SEC14L5: variants seen among roughly 807,000 people sequenced by gnomAD.
SEC14L5 encodes the protein SEC14-like protein 5.
In SEC14L5, 96 loss-of-function variants were observed where a neutral mutation model predicts 84.6. That is an observed-to-expected ratio of 1.13 (90% confidence interval 0.96 to 1.34). SEC14L5 has a LOEUF of 1.34. Ranked by LOEUF, SEC14L5 falls within the 40% of genes most tolerant of loss-of-function variation. The pLI is 0.00. For synonymous variants in SEC14L5, 546 were observed against 383.4 expected, an observed-to-expected ratio of 1.42 and a Z score of -4.95; for missense variants, 1,224 against 942.5, an observed-to-expected ratio of 1.30 and a Z score of -3.91.
At chr16:4,972,913 C>G (rs1394939034) in intron 2 of SEC14L5, among the ~76,000 whole-genome samples, 1 of 152,152 alleles carries the variant, frequency 6.6e-6, no homozygotes, top group Non-Finnish European at 1.5e-5. Flanking sequence ...ACTCCAGAGC[C>G]CACACTCTTA....
rs1306805606 is a variant in SEC14L5 at position 5,018,421 on chromosome 16, C to A, written c.*3451C>A. The stretch of plus-strand genomic sequence containing the variant: ...GTGGCTCATGCCTATAATCCCAACA[C>A]TTTGGGAGGCTGAGGCCGGCTGATC... On this transcript the variant is annotated 3_prime_UTR_variant, in exon 16 of 16. Transcript: ENST00000251170. 6.6e-6 allele frequency: 1 copy of A among 152,272 alleles called. No individual in the cohort carries two copies. Among genetic ancestry groups the A allele is most frequent in the Non-Finnish European group, 1.5e-5 (1 of 68,104 alleles). The allele number at this position is 152,272 out of a possible 1,614,324, so 9.4% of individuals were successfully genotyped here.
chr16:4,996,991 C>A lies in SEC14L5; in HGVS notation c.917C>A (p.Pro306His), dbSNP rs1238511824. ...QVDLLLQTWQ[P>H]PALLEEFYAG... ...GATCTCCTCCTTCAGACCTGGCAAC[C>A]CCCTGCCCTGCTGGAGGAGTTCTAT... Residue 306 changes from proline (P) to histidine (H), a missense_variant, in exon 8 of 16, where the codon CCC (proline) becomes CAC (histidine). Physicochemically the swap from Pro to His is moderately conservative, Grantham distance 77. Transcript: ENST00000251170. 2.7e-5 allele frequency: 44 copies of A among 1,613,328 alleles called. No individual in the cohort carries two copies. The highest frequency in any genetic ancestry group is 3.7e-5 in the Non-Finnish European group (44 of 1,179,656).
chr16:4,988,353 G>C (rs953563119), intron 4 of SEC14L5, 73 bp downstream of exon 4: 4 of 1,553,520 alleles, frequency 2.6e-6, no homozygotes, highest in South Asian at 2.4e-5. Context: ...GCCCAGAGCT[G>C]TGTCCCCACA....
intron 4 of SEC14L5, among the ~76,000 whole-genome samples, 189 bp from the exon 5 acceptor site, chr16:4,990,578 T>C (rs1482899955): frequency 6.6e-6 from 1 of 152,254 alleles, no homozygotes; most frequent in Non-Finnish European, 1.5e-5. Context: ...TTTTGTTCCC[T>C]GACAGTTTGA....
chr16:5,013,550 CTTTT>C (rs869041446), intron 15 of SEC14L5, among the ~76,000 whole-genome samples: 3 of 44,958 alleles, frequency 6.7e-5, no homozygotes, highest in East Asian at 7.2e-4. Flanking sequence ...GCTTGCCTGG[CTTTT>C]TTTTTTTTTT....
In SEC14L5 at chr16:5,014,841, C is replaced by G. The variant is rs200256662; in HGVS notation, c.1980-18C>G. On this transcript the variant is annotated intron_variant, in intron 15 of 15. Transcript: ENST00000251170. ...GTCACTGTGAGAGGGTAACGTGTGC[C>G]ACGCCCTTCCTCCCCAGGGGCTCCA... 711 of 1,599,994 alleles carry G rather than the reference C, an allele frequency of 4.4e-4. 1 individual carries two copies. Among genetic ancestry groups the G allele is most frequent in the Middle Eastern group, 8.3e-4 (5 of 6,028 alleles).
At chr16:4,983,202 C>G (rs1348565790) in intron 2 of SEC14L5, among the ~76,000 whole-genome samples, 1 of 151,830 alleles carries the variant, frequency 6.6e-6, no homozygotes, top group African/African-American at 2.4e-5. Flanking sequence ...TTAGTAGAGA[C>G]AGGGTTTCAT....
chr16:4,981,990 C>T (rs896209609), intron 2 of SEC14L5, among the ~76,000 whole-genome samples: 1 of 152,168 alleles, frequency 6.6e-6, no homozygotes, highest in Non-Finnish European at 1.5e-5. Flanking sequence ...GTCTCCTTGC[C>T]AGCTCGCTGA....
At chr16:4,970,739 G>C (rs1468994152) in intron 2 of SEC14L5, among the ~76,000 whole-genome samples, 1 of 152,232 alleles carries the variant, frequency 6.6e-6, no homozygotes, top group African/African-American at 2.4e-5. Context: ...GTCATTCTGA[G>C]GGTGAGTCCT....
rs956419659 is a variant in SEC14L5, at chr16:5,016,409, G to C, written c.*1439G>C. The C allele has an allele frequency of 6.6e-6, 1 of 152,178 alleles. No homozygotes were observed. Among genetic ancestry groups the C allele is most frequent in the Admixed American group, 6.5e-5 (1 of 15,268 alleles). 9.4% of individuals were successfully genotyped at this position (152,178 alleles called of 1,614,324 possible). A position where few individuals can be genotyped will look rare whatever the true frequency, so the allele number is the denominator to read the frequency against. ...TTGAGGCATTTCGCATCGAAATCAG[G>C]ATTTCTGGCTTCCCTTAGGCATTTG... On this transcript the variant is annotated 3_prime_UTR_variant, in exon 16 of 16. Transcript: ENST00000251170.
At chr16:4,995,592 C>A (rs1453352445) in intron 6 of SEC14L5, among the ~76,000 whole-genome samples, 1 of 150,980 alleles carries the variant, frequency 6.6e-6, no homozygotes, top group Non-Finnish European at 1.5e-5. Context: ...CTCCACCTCT[C>A]TAGGCCTCAG....
rs1955726847 is a variant in SEC14L5, at chr16:5,005,944, C to CGGAA, written c.1335_1338dup (p.Phe447GlufsTer22). ...CCCCTTCATCAATGAGAACACCAGG[C>CGGAA]GGAAGTTCCTCATCTACAGTGGCAG... On this transcript the variant is annotated frameshift_variant, in exon 12 of 16. Coordinates refer to ENST00000251170, the MANE Select transcript of SEC14L5 (RefSeq NM_014692.2). LOFTEE classifies it high-confidence loss of function. The CGGAA allele has an allele frequency of 6.2e-7, 1 of 1,607,994 alleles. No homozygotes were observed. Among genetic ancestry groups the CGGAA allele is most frequent in the South Asian group, 1.1e-5 (1 of 90,090 alleles).
chr16:4,997,728 C>T lies in SEC14L5; in HGVS notation c.970+684C>T, dbSNP rs113785264. ...CGAGGCCAGAAGTCTGGAGTCAAGGCGTCACCAGGGCCGTGCTCCCTCTGA... is the reference window on the plus strand; with the variant it reads ...CGAGGCCAGAAGTCTGGAGTCAAGGTGTCACCAGGGCCGTGCTCCCTCTGA... On this transcript the variant is annotated intron_variant, in intron 8 of 15. Transcript: ENST00000251170. Among the ~76,000 whole-genome samples the T allele has an allele frequency of 2.7e-4, 41 of 152,234 alleles. 1 individual carries two copies. Among genetic ancestry groups the T allele is most frequent in the African/African-American group, 9.4e-4 (39 of 41,558 alleles).
intron 2 of SEC14L5, among the ~76,000 whole-genome samples, chr16:4,980,626 G>T (rs965600127): frequency 6.6e-6 from 1 of 152,178 alleles, no homozygotes; most frequent in African/African-American, 2.4e-5. Context: ...GCCCGGCACA[G>T]GTATGAGGTT....
At position 4,991,864 on chromosome 16, in the gene SEC14L5, G is replaced by A. The variant is rs767571082; in HGVS notation, c.501G>A (p.Leu167=). ...GGAAGGAGGTGATTGAGCATTACCT[G>A]AATGAGCTCATCTCCCAGGGTACCT... is the stretch of plus-strand genomic sequence containing the variant. The part of the protein sequence containing the change: ...KRGKEVIEHY[L]NELISQGTSH... Residue 167 remains leucine (L), a synonymous_variant, in exon 6 of 16, where the codon CTG becomes CTA. Transcript: ENST00000251170. The A allele has an allele frequency of 6.2e-7, 1 of 1,609,456 alleles. No individual in the cohort carries two copies. Among genetic ancestry groups the A allele is most frequent in the Non-Finnish European group, 8.5e-7 (1 of 1,178,316 alleles).
chr16:4,970,101 T>G (rs2142480412), intron 2 of SEC14L5, among the ~76,000 whole-genome samples: 1 of 152,340 alleles, frequency 6.6e-6, no homozygotes, highest in Admixed American at 6.5e-5. Context: ...CGTGAGCCAC[T>G]GCACCTGGCC....
intron 12 of SEC14L5, 119 bp from the exon 13 acceptor site, chr16:5,007,233 C>T (rs1955741641): frequency 1.1e-5 from 9 of 794,744 alleles, no homozygotes; most frequent in South Asian, 9.3e-5. Flanking sequence ...GCCCACAGCC[C>T]ATTCAGTAAG....
intron 2 of SEC14L5, among the ~76,000 whole-genome samples, chr16:4,966,151 A>G (rs748556427): frequency 6.6e-6 from 1 of 151,982 alleles, no homozygotes; most frequent in Non-Finnish European, 1.5e-5. Context: ...ATTTTTTAGT[A>G]GAGACGGGGT....
intron 6 of SEC14L5, 67 bp downstream of exon 6, chr16:4,992,097 G>A: frequency 3.5e-6 from 4 of 1,149,556 alleles, no homozygotes; most frequent in South Asian, 3.2e-5. Flanking sequence ...TCCATGGGGG[G>A]CCCTGGGGCA....
Sources: gnomAD v4.1 joint callset for allele counts (sites outside exome capture counted in the v4.1 genomes callset) on GRCh38, gnomAD v4.1.1 for gene constraint, MANE v1.5 for transcripts, NCBI Gene and HGNC (gene_info 2026-07-23, HGNC 2026-07-21) for gene names.